ABCC4: variants seen among roughly 807,000 people sequenced by gnomAD.
The protein encoded by ABCC4 is ATP binding cassette subfamily C member 4 (PEL blood group), also known as ATP-binding cassette sub-family C member 4.
In ABCC4, 102 loss-of-function variants were observed where a neutral mutation model predicts 168.5. That is an observed-to-expected ratio of 0.61 (90% CI 0.52 to 0.71). The LOEUF is 0.71. Among genes scored for constraint, ABCC4 ranks in the 30% least tolerant of loss-of-function variants. The probability of loss-of-function intolerance (pLI) is 0.00; values close to 1 mark genes in which losing one functional copy is unlikely to be tolerated. For synonymous variants in ABCC4, 617 were observed against 590.7 expected, an observed-to-expected ratio of 1.04 and a Z score of -0.65; for missense variants, 1,402 against 1,605.8, an observed-to-expected ratio of 0.87 and a Z score of 2.17.
chr13:95,163,409 T>C (rs952823306), intron 17 of ABCC4, among the ~76,000 whole-genome samples, 193 bp from the exon 18 acceptor site: 1 of 152,172 alleles, frequency 6.6e-6, no homozygotes, highest in Non-Finnish European at 1.5e-5. Flanking sequence ...AAACTGTCTG[T>C]GAACATGATG....
At chr13:95,190,450 AAGGGATAGTTTACCAGAGCATGAT>A (rs1405545476) in intron 9 of ABCC4, among the ~76,000 whole-genome samples, 4 of 152,172 alleles carry the variant, frequency 2.6e-5, no homozygotes, top group Admixed American at 6.5e-5. Context: ...TATCAGGGAG[AAGGGATAGTTTACCAGAGCATGAT>A]AGGGATAGTT....
At chr13:95,132,771 T>C (rs537380086) in intron 19 of ABCC4, among the ~76,000 whole-genome samples, 1 of 152,234 alleles carries the variant, frequency 6.6e-6, no homozygotes, top group South Asian at 2.1e-4. Context: ...TTCTACAACA[T>C]AGATGAACCA....
chr13:95,049,633 T>G (rs2032743041), intron 27 of ABCC4, among the ~76,000 whole-genome samples: 1 of 151,324 alleles, frequency 6.6e-6, no homozygotes, highest in Non-Finnish European at 1.5e-5. Context: ...AGAGTGAGAC[T>G]CTGTCTCAAA....
chr13:95,165,011 T>C (rs2037226167), intron 15 of ABCC4, among the ~76,000 whole-genome samples: 1 of 152,118 alleles, frequency 6.6e-6, no homozygotes, highest in African/African-American at 2.4e-5. Flanking sequence ...GCACTAATCC[T>C]TGGACCCAGC....
At chr13:95,028,936 T>C (rs1488891974) in intron 30 of ABCC4, among the ~76,000 whole-genome samples, 1 of 151,664 alleles carries the variant, frequency 6.6e-6, no homozygotes, top group East Asian at 1.9e-4. Context: ...GAGGCCAAGG[T>C]GGGTGGGTTA....
Position 95,029,987 on chromosome 13 carries a change from C to CCA in ABCC4, c.3870+4617_3870+4618insTG, listed in dbSNP as rs1304285526. On this transcript the variant is annotated intron_variant, in intron 30 of 30. Coordinates refer to ENST00000645237, the MANE Select transcript of ABCC4 (RefSeq NM_005845.5). ...CAGGATGTCAGGACTTCTTGTCTAT[C>CCA]TATCCATCCATCCATCCATCCATCC... Among the ~76,000 whole-genome samples the CCA allele has an allele frequency of 4.6e-3, 532 of 115,930 alleles. 3 individuals are homozygous for CCA. The highest frequency in any genetic ancestry group is 0.012 in the African/African-American group (385 of 32,566). 76.1% of individuals were successfully genotyped at this position (115,930 alleles called of 152,430 possible).
intron 5 of ABCC4, among the ~76,000 whole-genome samples, chr13:95,210,081 G>A (rs963244097): frequency 6.6e-6 from 1 of 152,242 alleles, no homozygotes; most frequent in Non-Finnish European, 1.5e-5. Flanking sequence ...AGTTCATTCT[G>A]ATGAATGAAT....
At chr13:95,058,681 T>A (rs965295671) in intron 26 of ABCC4, among the ~76,000 whole-genome samples, 1 of 149,700 alleles carries the variant, frequency 6.7e-6, no homozygotes. Flanking sequence ...TGAAAAAAAA[T>A]TGAGCTGGAT....
Position 95,234,594 on chromosome 13 carries a change from G to A in ABCC4, c.531+16C>T. 1 of 1,601,416 alleles carries A rather than the reference G, an allele frequency of 6.2e-7. No homozygotes were observed. Among genetic ancestry groups the A allele is most frequent in the South Asian group, 1.1e-5 (1 of 90,758 alleles). ...GCTTCAGGTGAGGTACATGTTTAAT[G>A]CTGAATGTCACTTACCTTCCGATAA... On this transcript the variant is annotated intron_variant, in intron 4 of 30. Coordinates refer to ENST00000645237, the MANE Select transcript of ABCC4 (RefSeq NM_005845.5).
intron 4 of ABCC4, among the ~76,000 whole-genome samples, chr13:95,217,064 G>A (rs565131611): frequency 6.6e-6 from 1 of 152,180 alleles, no homozygotes; most frequent in Non-Finnish European, 1.5e-5. Context: ...GTGAATGGTG[G>A]AAGTAAACAC....
At chr13:95,186,591 A>T in intron 11 of ABCC4, 110 bp downstream of exon 11, 1 of 960,780 alleles carries the variant, frequency 1.0e-6, no homozygotes, top group Non-Finnish European at 1.5e-6. Context: ...GTATTAAATA[A>T]CATTCAAAGG....
At chr13:95,166,459 T>A in intron 14 of ABCC4, 92 bp from the exon 15 acceptor site, 1 of 1,093,282 alleles carries the variant, frequency 9.1e-7, no homozygotes, top group Non-Finnish European at 1.3e-6. Context: ...TAACTGATCT[T>A]AAGTTATGAT....
At chr13:95,246,589 C>T (rs2040111981) in intron 3 of ABCC4, among the ~76,000 whole-genome samples, 2 of 152,190 alleles carry the variant, frequency 1.3e-5, no homozygotes, top group African/African-American at 2.4e-5. Context: ...TCCTCTAAAC[C>T]ACAGGGCACG....
chr13:95,024,043 C>A (rs564195421), intron 30 of ABCC4, among the ~76,000 whole-genome samples: 4 of 151,760 alleles, frequency 2.6e-5, no homozygotes, highest in Non-Finnish European at 2.9e-5. Flanking sequence ...CCCATCTCTA[C>A]GAAAAATACA....
intron 20 of ABCC4, 149 bp downstream of exon 20, chr13:95,115,773 C>T: frequency 1.5e-6 from 1 of 673,518 alleles, no homozygotes; most frequent in Non-Finnish European, 2.6e-6. Context: ...GTTATAACCG[C>T]ACCTTTCTTT....
chr13:95,037,946 A>G (rs1593985095), intron 29 of ABCC4, among the ~76,000 whole-genome samples: 1 of 151,336 alleles, frequency 6.6e-6, no homozygotes, highest in South Asian at 2.1e-4. Flanking sequence ...GTTCACTGCA[A>G]CCTCCACCTC....
intron 20 of ABCC4, chr13:95,096,266 T>C (rs768600675): frequency 1.0e-5 from 5 of 481,032 alleles, no homozygotes; most frequent in Non-Finnish European, 1.8e-5. Context: ...GACAGAGCAA[T>C]ACAAATTATC....
At chr13:95,194,433 C>T (rs1291709233) in intron 9 of ABCC4, among the ~76,000 whole-genome samples, 1 of 152,132 alleles carries the variant, frequency 6.6e-6, no homozygotes, top group Non-Finnish European at 1.5e-5. Flanking sequence ...GACCTGAAAA[C>T]GCTAAGCTGA....
At chr13:95,157,094 A>T (rs1164584165) in intron 19 of ABCC4, among the ~76,000 whole-genome samples, 3 of 125,532 alleles carry the variant, frequency 2.4e-5, no homozygotes, top group African/African-American at 8.2e-5. Context: ...TCTACCACAC[A>T]CACACACACA....
Sources: gnomAD v4.1 joint callset for allele counts (sites outside exome capture counted in the v4.1 genomes callset) on GRCh38, gnomAD v4.1.1 for gene constraint, MANE v1.5 for transcripts, NCBI Gene and HGNC (gene_info 2026-07-23, HGNC 2026-07-21) for gene names.